Variants in AGBL1 observed in about 807,000 individuals in gnomAD.
The protein encoded by AGBL1 is cytosolic carboxypeptidase 4.
A neutral mutation model predicts 118.9 loss-of-function variants in AGBL1; 130 were observed. The observed-to-expected ratio is 1.09, with a 90% CI of 0.95 to 1.26. The LOEUF (loss-of-function observed/expected upper bound fraction) is 1.26, where lower values mean the gene tolerates loss of function less well. Ranked by LOEUF, AGBL1 falls within the 50% of genes most tolerant of loss-of-function variation. AGBL1 has a pLI of 0.00. For missense variants in AGBL1, 1,584 were observed against 1,298.1 expected, an observed-to-expected ratio of 1.22 and a Z score of -3.38; for synonymous variants, 555 against 478.9, an observed-to-expected ratio of 1.16 and a Z score of -2.08.
At chr15:86,567,632 G>A (rs988764208) in intron 21 of AGBL1, among the ~76,000 whole-genome samples, 1 of 152,244 alleles carries the variant, frequency 6.6e-6, no homozygotes, top group African/African-American at 2.4e-5. Flanking sequence ...ATAACCTTTA[G>A]AGGAATATAA....
In AGBL1 at chr15:86,909,739, A is replaced by G. The variant is rs2141597762; in HGVS notation, c.*2445A>G. ...TTTCTCTTTGCTTTGAGGATTCAAGAAGATAATATTGAAATGTAATTGCTG... is the reference window on the plus strand; with the variant it reads ...TTTCTCTTTGCTTTGAGGATTCAAGGAGATAATATTGAAATGTAATTGCTG... On this transcript the variant is annotated 3_prime_UTR_variant, in exon 23 of 23. Transcript: ENST00000614907. 1 of 152,374 alleles carries G rather than the reference A, an allele frequency of 6.6e-6. No homozygotes were observed. The highest frequency in any genetic ancestry group is 2.1e-4 in the South Asian group (1 of 4,826). 9.4% of individuals were successfully genotyped at this position (152,374 alleles called of 1,614,324 possible).
chr15:86,623,831 C>A (rs1392922314), intron 21 of AGBL1, among the ~76,000 whole-genome samples: 1 of 152,216 alleles, frequency 6.6e-6, no homozygotes, highest in African/African-American at 2.4e-5. Flanking sequence ...GCATACACTT[C>A]TGTGGATTTT....
intron 22 of AGBL1, among the ~76,000 whole-genome samples, chr15:86,716,465 C>T (rs557158099): frequency 6.6e-6 from 1 of 152,132 alleles, no homozygotes; most frequent in Non-Finnish European, 1.5e-5. Context: ...TGATCTGTAG[C>T]TGAGCTAAAT....
At chr15:86,167,546 C>G (rs144827409) in intron 5 of AGBL1, among the ~76,000 whole-genome samples, 1 of 152,168 alleles carries the variant, frequency 6.6e-6, no homozygotes, top group African/African-American at 2.4e-5. Context: ...ATGCCTGGCC[C>G]GGGAACTGAT....
chr15:86,668,117 C>G (rs1302806913), intron 21 of AGBL1, among the ~76,000 whole-genome samples: 1 of 152,134 alleles, frequency 6.6e-6, no homozygotes, highest in Non-Finnish European at 1.5e-5. Flanking sequence ...ATGGGGAGGG[C>G]ACCAAGCCAT....
chr15:86,295,259 A>T lies in AGBL1; in HGVS notation c.2225A>T (p.His742Leu), dbSNP rs1433486311. Reference protein sequence around the residue: ...YPYTYTALMTHLDILEKSVNL... With the variant: ...YPYTYTALMTLLDILEKSVNL... The stretch of plus-strand genomic sequence containing the variant: ...CCTGCTTTATTTCTGCTCCAGACTC[A>T]TCTTGACATCCTGGAAAAGAGTGTC... Residue 742 changes from histidine (H) to leucine (L), a missense_variant, in exon 17 of 23, where the codon CAT (histidine) becomes CTT (leucine). Physicochemically the swap from His to Leu is moderately conservative, Grantham distance 99. Coordinates refer to ENST00000614907, the MANE Select transcript of AGBL1 (RefSeq NM_001386094.1). 6.2e-7 allele frequency: 1 copy of T among 1,613,588 alleles called. No individual in the cohort carries two copies. The highest frequency in any genetic ancestry group is 8.5e-7 in the Non-Finnish European group (1 of 1,179,650).
intron 21 of AGBL1, among the ~76,000 whole-genome samples, chr15:86,670,600 GACACACACAC>G (rs9302341): frequency 3.0e-5 from 4 of 133,226 alleles, no homozygotes; most frequent in Non-Finnish European, 4.8e-5. Context: ...GTGAAACTCT[GACACACACAC>G]ACACACACAC....
At position 86,304,862 on chromosome 15, in the gene AGBL1, A is replaced by G. The variant is rs1309080811; in HGVS notation, c.2374+9454A>G. The stretch of plus-strand genomic sequence containing the variant: ...TTCAGAGAGTTACTGGATTCCATGT[A>G]AAGGTAGGGGAATAGCCCTCTCCAA... On this transcript the variant is annotated intron_variant, in intron 17 of 22. Coordinates refer to ENST00000614907, the MANE Select transcript of AGBL1 (RefSeq NM_001386094.1). 5 of 152,212 alleles carry G rather than the reference A, an allele frequency of 3.3e-5. No individual in the cohort carries two copies. The East Asian group carries it at 7.7e-4, about 23-fold the overall frequency. The allele number at this position is 152,212 out of a possible 1,614,324, so 9.4% of individuals were successfully genotyped here.
intron 18 of AGBL1, among the ~76,000 whole-genome samples, chr15:86,436,560 C>A (rs2082002456): frequency 6.6e-6 from 1 of 152,042 alleles, no homozygotes. Flanking sequence ...AATGTGTTCC[C>A]ACTAGGTGAC....
At chr15:86,326,070 T>C (rs2080178716) in intron 17 of AGBL1, among the ~76,000 whole-genome samples, 1 of 152,234 alleles carries the variant, frequency 6.6e-6, no homozygotes, top group Non-Finnish European at 1.5e-5. Context: ...AGTGCAGCTC[T>C]GGTCCCATTT....
At chr15:86,084,680 G>T (rs947712656) in intron 1 of AGBL1, among the ~76,000 whole-genome samples, 5 of 152,322 alleles carry the variant, frequency 3.3e-5, no homozygotes, top group Admixed American at 6.5e-5. Context: ...GTAGAGGAAG[G>T]CTTATTTATA....
rs373200990 is a variant in AGBL1, at chr15:86,098,169, A to AT, written c.51+18156dup. Reference sequence around the variant, plus strand: ...TGCCCACTTTGTAATAAAACTATTTATTTTTTTTTTGCCATTGAGTTCCTT... The same window carrying AT: ...TGCCCACTTTGTAATAAAACTATTTATTTTTTTTTTTGCCATTGAGTTCCTT... On this transcript the variant is annotated intron_variant, in intron 1 of 22. Coordinates refer to ENST00000614907, the MANE Select transcript of AGBL1 (RefSeq NM_001386094.1). Among the ~76,000 whole-genome samples, 837 of 148,600 alleles carry AT rather than the reference A, an allele frequency of 5.6e-3. 7 individuals carry two copies. The highest frequency in any genetic ancestry group is 0.02 in the African/African-American group (802 of 40,644).
At chr15:86,485,437 A>G (rs1374962665) in intron 18 of AGBL1, among the ~76,000 whole-genome samples, 1 of 152,130 alleles carries the variant, frequency 6.6e-6, no homozygotes, top group Non-Finnish European at 1.5e-5. Flanking sequence ...CCTTTCTGTC[A>G]AGGGCTTATA....
At chr15:86,373,383 A>C (rs1378368931) in intron 17 of AGBL1, among the ~76,000 whole-genome samples, 1 of 152,186 alleles carries the variant, frequency 6.6e-6, no homozygotes, top group African/African-American at 2.4e-5. Context: ...ATGAGCAGGG[A>C]CAGAATAGTA....
At chr15:86,945,244 T>TAA (rs11326362) in intron 23 of AGBL1, among the ~76,000 whole-genome samples, 7,765 of 70,694 alleles carry the variant, frequency 0.11, 283 homozygotes, top group East Asian at 0.16. Flanking sequence ...ACCCCATCAC[T>TAA]AAAAAAAAAA....
At chr15:86,578,728 G>A (rs769544620) in intron 21 of AGBL1, among the ~76,000 whole-genome samples, 24 of 148,336 alleles carry the variant, frequency 1.6e-4, no homozygotes, top group Non-Finnish European at 2.8e-4. Context: ...TTATAAGGGG[G>A]TGTCCCTACA....
intron 22 of AGBL1, among the ~76,000 whole-genome samples, chr15:86,754,989 A>G (rs1223140691): frequency 6.6e-6 from 1 of 152,078 alleles, no homozygotes; most frequent in East Asian, 1.9e-4. Context: ...AGGAGGGGGT[A>G]TATGATGTGG....
In AGBL1 at chr15:86,289,761, C is replaced by T. The variant is rs144428217; in HGVS notation, c.2221-5494C>T. Among the ~76,000 whole-genome samples the T allele has an allele frequency of 2.8e-3, 431 of 152,252 alleles. 3 individuals carry two copies. The highest frequency in any genetic ancestry group is 9.7e-3 in the African/African-American group (402 of 41,536). On this transcript the variant is annotated intron_variant, in intron 16 of 22. Coordinates refer to ENST00000614907, the MANE Select transcript of AGBL1 (RefSeq NM_001386094.1). ...TATCTCCTTCTTTCACTTATAAGGACCTTTGTCATTACCCTGCACCCAACC... is the reference window on the plus strand; with the variant it reads ...TATCTCCTTCTTTCACTTATAAGGATCTTTGTCATTACCCTGCACCCAACC...
chr15:86,420,334 G>A (rs1210911766), intron 18 of AGBL1, among the ~76,000 whole-genome samples: 1 of 152,146 alleles, frequency 6.6e-6, no homozygotes, highest in African/African-American at 2.4e-5. Flanking sequence ...AGCATCTGGA[G>A]TGTACCTCCA....
Sources: allele counts gnomAD v4.1 joint callset (sites outside exome capture counted in the v4.1 genomes callset), GRCh38; gene constraint gnomAD v4.1.1; transcripts MANE v1.5; gene names NCBI Gene and HGNC (gene_info 2026-07-23, HGNC 2026-07-21).